Variants in ATP2C2 observed in about 807,000 individuals in gnomAD.
The protein encoded by ATP2C2 is calcium-transporting ATPase type 2C member 2.
Under a neutral mutation model 110.8 loss-of-function variants are expected in ATP2C2, and 171 were observed. The observed-to-expected ratio is 1.54, with a 90% CI of 1.36 to 1.75. The LOEUF (loss-of-function observed/expected upper bound fraction) is 1.75, where lower values mean the gene tolerates loss of function less well. ATP2C2 is among the 40% of genes most tolerant of loss of function. The pLI, the probability that ATP2C2 is intolerant of heterozygous loss-of-function variation, is 0.00. For synonymous variants in ATP2C2, 804 were observed against 508.4 expected, an observed-to-expected ratio of 1.58 and a Z score of -7.82; for missense variants, 1,963 against 1,235.0, an observed-to-expected ratio of 1.59 and a Z score of -8.84.
intron 1 of ATP2C2, among the ~76,000 whole-genome samples, chr16:84,374,333 A>G (rs145114465): frequency 2.0e-5 from 3 of 152,246 alleles, no homozygotes; most frequent in African/African-American, 7.2e-5. Context: ...CTTCACTGGG[A>G]TGCTACAGTG....
intron 11 of ATP2C2, among the ~76,000 whole-genome samples, chr16:84,427,242 C>T (rs560648869): frequency 1.6e-4 from 25 of 152,210 alleles, no homozygotes; most frequent in African/African-American, 6.0e-4. Flanking sequence ...TGTAAACAAA[C>T]TTAGATGTCC....
At chr16:84,418,111 C>A (rs1327449448) in intron 7 of ATP2C2, among the ~76,000 whole-genome samples, 2 of 152,188 alleles carry the variant, frequency 1.3e-5, no homozygotes, top group African/African-American at 4.8e-5. Context: ...TTCTCCCCTA[C>A]CATGTCTAAA....
In ATP2C2 at chr16:84,463,817, C is replaced by CTT. The variant is rs1023413176; in HGVS notation, c.*88_*89dup. ...TGCCGTGTCTCCTCGTCAGGGGAGA[C>CTT]TTTTAGGAGGCCGCAGCCTTCCATC... On this transcript the variant is annotated 3_prime_UTR_variant, in exon 27 of 27. Transcript: ENST00000262429. 8 of 1,210,802 alleles carry CTT rather than the reference C, an allele frequency of 6.6e-6. No individual in the cohort carries two copies. The African/African-American group carries it at 1.2e-4, about 18-fold the overall frequency. 75.0% of individuals were successfully genotyped at this position (1,210,802 alleles called of 1,614,324 possible).
At chr16:84,460,552 C>G in intron 23 of ATP2C2, 102 bp from the exon 24 acceptor site, 1 of 1,540,290 alleles carries the variant, frequency 6.5e-7, no homozygotes, top group South Asian at 1.1e-5. Flanking sequence ...TGGCCCTGCC[C>G]CCTGTGCCAA....
intron 4 of ATP2C2, among the ~76,000 whole-genome samples, chr16:84,410,220 G>C (rs1053816428): frequency 4.6e-5 from 7 of 152,058 alleles, no homozygotes; most frequent in Non-Finnish European, 8.8e-5. Context: ...AAGAAAAAAG[G>C]CTGGGGTAAG....
intron 16 of ATP2C2, among the ~76,000 whole-genome samples, chr16:84,446,990 G>A (rs1004340084): frequency 3.9e-5 from 6 of 152,192 alleles, no homozygotes; most frequent in African/African-American, 1.4e-4. Context: ...TGTTGTCCCT[G>A]GCTAGAGGAA....
At position 84,439,175 on chromosome 16, in the gene ATP2C2, G is replaced by T; in HGVS notation, c.996G>T (p.Val332=). 1 of 1,612,162 alleles carries T rather than the reference G, an allele frequency of 6.2e-7. No homozygotes were observed. The highest frequency in any genetic ancestry group is 1.1e-5 in the South Asian group (1 of 90,978). Residue 332 remains valine, a synonymous_variant, in exon 12 of 27, where the codon GTG becomes GTT. Transcript: ENST00000262429. The part of the protein sequence containing the change: ...SMFTIGVSLA[V]AAIPEGLPIV... ...TGACCTTTCGATCCAGCCTGGCTGT[G>T]GCGGCCATTCCAGAGGGTCTGCCCA...
chr16:84,419,160 A>T (rs535769289), intron 7 of ATP2C2, among the ~76,000 whole-genome samples: 1 of 132,980 alleles, frequency 7.5e-6, no homozygotes, highest in Admixed American at 8.5e-5. Context: ...GTGAGCCGAG[A>T]TTGCACCACT....
chr16:84,448,763 G>A (rs1463321582), intron 17 of ATP2C2, 74 bp downstream of exon 17: 26 of 1,529,980 alleles, frequency 1.7e-5, no homozygotes, highest in Non-Finnish European at 2.3e-5. Flanking sequence ...TTCAAGCAGG[G>A]TCCCTAGTCA....
chr16:84,399,166 G>A (rs963817409), intron 2 of ATP2C2, among the ~76,000 whole-genome samples: 11 of 152,220 alleles, frequency 7.2e-5, no homozygotes, highest in Admixed American at 1.3e-4. Context: ...GTGCGTGCAC[G>A]TGCATACTCA....
Position 84,415,673 on chromosome 16 carries a change from A to G in ATP2C2, c.624+82A>G, listed in dbSNP as rs1051303948. The G allele has an allele frequency of 1.2e-5, 14 of 1,139,034 alleles. 1 individual carries two copies. In the Admixed American group the frequency reaches 2.7e-4, roughly 22 times the overall value. The allele number at this position is 1,139,034 out of a possible 1,614,324, so 70.6% of individuals were successfully genotyped here. A position where few individuals can be genotyped will look rare whatever the true frequency, so the allele number is the denominator to read the frequency against. On this transcript the variant is annotated intron_variant, in intron 7 of 26. Coordinates refer to ENST00000262429, the MANE Select transcript of ATP2C2 (RefSeq NM_014861.4). ...GACACTTAGCTAATTGTAGGCATGTATAGTCTCTCTCATACACACATGCTC... is the reference window on the plus strand; with the variant it reads ...GACACTTAGCTAATTGTAGGCATGTGTAGTCTCTCTCATACACACATGCTC...
intron 23 of ATP2C2, chr16:84,460,169 A>G: frequency 5.0e-6 from 1 of 200,972 alleles, no homozygotes; most frequent in South Asian, 9.2e-5. Flanking sequence ...TGGGACCAGG[A>G]AGCTGGCCTC....
At chr16:84,422,126 A>C (rs562641618) in intron 7 of ATP2C2, among the ~76,000 whole-genome samples, 1 of 151,900 alleles carries the variant, frequency 6.6e-6, no homozygotes, top group Non-Finnish European at 1.5e-5. Flanking sequence ...AATAGCCATC[A>C]CCTTCATTTT....
At chr16:84,416,271 T>C (rs1209796312) in intron 7 of ATP2C2, among the ~76,000 whole-genome samples, 2 of 152,220 alleles carry the variant, frequency 1.3e-5, no homozygotes, top group African/African-American at 4.8e-5. Context: ...GGCACTCTGC[T>C]GAGATTATCC....
At chr16:84,370,673 G>T (rs868532601) in intron 1 of ATP2C2, among the ~76,000 whole-genome samples, 3 of 113,882 alleles carry the variant, frequency 2.6e-5, no homozygotes, top group African/African-American at 3.8e-5. Context: ...AGTTGGAATT[G>T]TCTTTTTTTT....
At chr16:84,390,443 T>C (rs538472448) in intron 1 of ATP2C2, among the ~76,000 whole-genome samples, 2 of 152,348 alleles carry the variant, frequency 1.3e-5, no homozygotes, top group Non-Finnish European at 2.9e-5. Context: ...CTTTCTCTTC[T>C]AGGCCGTTTC....
At chr16:84,460,515 G>T in intron 23 of ATP2C2, 139 bp from the exon 24 acceptor site, 2 of 1,207,002 alleles carry the variant, frequency 1.7e-6, no homozygotes, top group Non-Finnish European at 2.4e-6. Flanking sequence ...GGGCAGGTGC[G>T]ATGCCTGGGG....
chr16:84,459,096 G>T (rs754530561), intron 21 of ATP2C2, 24 bp from the exon 22 acceptor site: 1 of 1,613,890 alleles, frequency 6.2e-7, no homozygotes, highest in South Asian at 1.1e-5. Flanking sequence ...CGCTCCGTGA[G>T]TAAATGGCTC....
In ATP2C2 at chr16:84,448,583, C is replaced by G. The variant is rs1356801262; in HGVS notation, c.1554C>G (p.Arg518=). 3 of 1,613,948 alleles carry G rather than the reference C, an allele frequency of 1.9e-6. No individual in the cohort carries two copies. Among genetic ancestry groups the G allele is most frequent in the East Asian group, 4.5e-5 (2 of 44,886 alleles). Residue 518 remains arginine (R), a synonymous_variant, in exon 17 of 27, where the codon CGC becomes CGG. Coordinates refer to ENST00000262429, the MANE Select transcript of ATP2C2 (RefSeq NM_014861.4). ...AAGGGGCCTTGGAAGAGGTGATCCG[C>G]TACTGCACCATGTACAACAACGGGG... The part of the protein sequence containing the change: ...FMKGALEEVI[R]YCTMYNNGGI...
Sources: allele counts gnomAD v4.1 joint callset (sites outside exome capture counted in the v4.1 genomes callset), GRCh38; gene constraint gnomAD v4.1.1; transcripts MANE v1.5; gene names NCBI Gene and HGNC (gene_info 2026-07-23, HGNC 2026-07-21).